Variants in NCOA7 observed in about 807,000 individuals in gnomAD.
NCOA7 encodes 140 kDa estrogen receptor-associated protein.
A neutral mutation model predicts 104.3 loss-of-function variants in NCOA7; 45 were observed. The ratio of observed to expected loss-of-function variants is 0.43; its 90% CI spans 0.34 to 0.55. NCOA7 has a LOEUF of 0.55. Ranked by LOEUF, NCOA7 falls within the 20% of genes least tolerant of loss-of-function variation. NCOA7 has a pLI of 0.02. For synonymous variants in NCOA7, 398 were observed against 402.3 expected (o/e 0.99, Z 0.13); for missense variants, 1,041 against 1,119.7 (o/e 0.93, Z 1.00).
intron 1 of NCOA7, among the ~76,000 whole-genome samples, chr6:125,795,363 C>A (rs1198674070): frequency 6.6e-6 from 1 of 152,144 alleles, no homozygotes; most frequent in African/African-American, 2.4e-5. Context: ...TAGGTAGTAT[C>A]CTCATGGTTC....
chr6:125,785,518 G>A (rs1774425521), intron 1 of NCOA7, among the ~76,000 whole-genome samples: 1 of 151,740 alleles, frequency 6.6e-6, no homozygotes, highest in South Asian at 2.1e-4. Flanking sequence ...TATTTCCCTT[G>A]AAAAAAACCC....
chr6:125,801,787 A>G (rs574515242), intron 1 of NCOA7, among the ~76,000 whole-genome samples: 62 of 152,316 alleles, frequency 4.1e-4, no homozygotes, highest in African/African-American at 1.4e-3. Context: ...TGGGGATTCC[A>G]GTCATACTGG....
At chr6:125,846,693 C>G (rs1780649294) in intron 2 of NCOA7, among the ~76,000 whole-genome samples, 1 of 152,210 alleles carries the variant, frequency 6.6e-6, no homozygotes, top group Non-Finnish European at 1.5e-5. Context: ...ACATATATGC[C>G]ATAGCCACAT....
intron 2 of NCOA7, among the ~76,000 whole-genome samples, chr6:125,824,781 C>T (rs566289941): frequency 3.3e-4 from 50 of 152,196 alleles, no homozygotes; most frequent in Non-Finnish European, 6.5e-4. Flanking sequence ...CTCCCTGAGA[C>T]GGAGTCTTGC....
At chr6:125,898,838 T>A (rs1486768170) in intron 10 of NCOA7, among the ~76,000 whole-genome samples, 1 of 152,060 alleles carries the variant, frequency 6.6e-6, no homozygotes, top group Non-Finnish European at 1.5e-5. Flanking sequence ...AAAAATGTAT[T>A]TGTTATTTCT....
chr6:125,867,913 C>T (rs556604962), intron 3 of NCOA7, among the ~76,000 whole-genome samples: 22 of 152,282 alleles, frequency 1.4e-4, no homozygotes, highest in African/African-American at 5.3e-4. Context: ...GGTGGGGCCT[C>T]ACCAGTGCGG....
intron 4 of NCOA7, chr6:125,875,610 T>C (rs892515683): frequency 1.3e-5 from 2 of 152,216 alleles, no homozygotes; most frequent in African/African-American, 4.8e-5. Context: ...TTACTCTCCA[T>C]GTTCGTTACT....
chr6:125,822,109 T>G lies in NCOA7; in HGVS notation c.50+6705T>G, dbSNP rs867889114. On this transcript the variant is annotated intron_variant, in intron 2 of 15. Transcript: ENST00000392477. The stretch of plus-strand genomic sequence containing the variant: ...TGCCCTTTCTTTAATTAACTGTAGA[T>G]TGTTTTTTCCTGCTGGCCAAGGGCT... Among the ~76,000 whole-genome samples, 4 of 152,336 alleles carry G rather than the reference T, an allele frequency of 2.6e-5. No homozygotes were observed. The Middle Eastern group carries it at 0.01, about 389-fold the overall frequency.
chr6:125,843,550 C>T (rs1021335859), intron 2 of NCOA7, among the ~76,000 whole-genome samples: 1 of 152,190 alleles, frequency 6.6e-6, no homozygotes, highest in African/African-American at 2.4e-5. Flanking sequence ...CAAATACTTT[C>T]TTTAAATTTC....
chr6:125,834,228 A>G (rs1779423579), intron 2 of NCOA7, among the ~76,000 whole-genome samples: 1 of 152,214 alleles, frequency 6.6e-6, no homozygotes, highest in East Asian at 1.9e-4. Flanking sequence ...TGTGTCTGAA[A>G]TCATCACTAG....
intron 2 of NCOA7, 79 bp from the exon 3 acceptor site, chr6:125,854,941 C>T: frequency 2.2e-6 from 2 of 925,120 alleles, no homozygotes; most frequent in Non-Finnish European, 3.3e-6. Flanking sequence ...TTTTCAAAGT[C>T]CAGCAGCGTG....
intron 8 of NCOA7, among the ~76,000 whole-genome samples, chr6:125,886,265 G>A (rs1014174544): frequency 1.3e-5 from 2 of 151,644 alleles, no homozygotes; most frequent in African/African-American, 2.4e-5. Context: ...GGTCCACTCA[G>A]CCCTTCCCCA....
At chr6:125,846,214 C>G (rs1484632535) in intron 2 of NCOA7, among the ~76,000 whole-genome samples, 1 of 151,850 alleles carries the variant, frequency 6.6e-6, no homozygotes, top group Non-Finnish European at 1.5e-5. Context: ...GAGGAATGGG[C>G]TTCTGACTGT....
chr6:125,868,295 G>A lies in NCOA7; in HGVS notation c.272-6594G>A, dbSNP rs940054309. 2.6e-5 allele frequency among the ~76,000 whole-genome samples: 4 copies of A among 152,112 alleles called. No homozygotes were observed. In the East Asian group the frequency reaches 7.7e-4, roughly 29 times the overall value. On this transcript the variant is annotated intron_variant, in intron 3 of 15. Coordinates refer to ENST00000392477, the MANE Select transcript of NCOA7 (RefSeq NM_181782.5). ...TTCTGGATGAAACCTTTTTGCTCAT[G>A]GTTTATAATTGTTTTAACATACTAC...
Position 125,929,436 on chromosome 6 carries a change from ATAGGTCTTAAGC to A in NCOA7, c.*666_*677del, listed in dbSNP as rs140342964. The stretch of plus-strand genomic sequence containing the variant: ...TTTTTTGCCCTGATTGTTTAGGGTG[ATAGGTCTTAAGC>A]AGCATATATCTATATATCTGTATGT... On this transcript the variant is annotated 3_prime_UTR_variant, in exon 16 of 16. Coordinates refer to ENST00000392477, the MANE Select transcript of NCOA7 (RefSeq NM_181782.5). 0.16 allele frequency: 23,789 copies of A among 151,536 alleles called. 2,042 individuals carry two copies. Among genetic ancestry groups the A allele is most frequent in the African/African-American group, 0.24 (10,048 of 41,198 alleles). 9.4% of individuals were successfully genotyped at this position (151,536 alleles called of 1,614,324 possible). A position where few individuals can be genotyped will look rare whatever the true frequency, so the allele number is the denominator to read the frequency against.
rs1164852139 is a variant in NCOA7 at position 125,889,667 on chromosome 6, A to G, written c.1613A>G (p.Glu538Gly). Residue 538 changes from glutamate to glycine, a missense_variant, in exon 9 of 16, where the codon GAA becomes GGA. Coordinates refer to ENST00000392477, the MANE Select transcript of NCOA7 (RefSeq NM_181782.5). ...AACAAAGAAGGGCCACAGGTATCTG[A>G]AAATTTGCAGAAAACAGAATTAAGT... The part of the protein sequence containing the change: ...TKNKEGPQVS[E>G]NLQKTELSDG... 2 of 1,614,120 alleles carry G rather than the reference A, an allele frequency of 1.2e-6. No homozygotes were observed. The highest frequency in any genetic ancestry group is 4.5e-5 in the East Asian group (2 of 44,864).
chr6:125,912,131 G>C (rs1019382639), intron 10 of NCOA7, among the ~76,000 whole-genome samples: 1 of 152,186 alleles, frequency 6.6e-6, no homozygotes, highest in Non-Finnish European at 1.5e-5. Flanking sequence ...TGCTGTACAG[G>C]CGGGTCCACT....
chr6:125,871,852 T>G (rs190543927), intron 3 of NCOA7, among the ~76,000 whole-genome samples: 3 of 151,968 alleles, frequency 2.0e-5, no homozygotes, highest in Non-Finnish European at 4.4e-5. Context: ...CAAAAATTAA[T>G]CTGGTGTGGT....
intron 2 of NCOA7, among the ~76,000 whole-genome samples, chr6:125,846,392 T>G (rs1301463986): frequency 6.6e-6 from 1 of 151,228 alleles, no homozygotes; most frequent in Non-Finnish European, 1.5e-5. Context: ...TCAAAACAAC[T>G]TTAACACATT....
Sources: gnomAD v4.1 joint callset for allele counts (sites outside exome capture counted in the v4.1 genomes callset) on GRCh38, gnomAD v4.1.1 for gene constraint, MANE v1.5 for transcripts, NCBI Gene and HGNC (gene_info 2026-07-23, HGNC 2026-07-21) for gene names.